The following EGF variants were observed in gnomAD, a reference collection of about 807,000 sequenced individuals.
EGF encodes epidermal growth factor.
In EGF, 95 loss-of-function variants were observed where a neutral mutation model predicts 143.8. The ratio of observed to expected loss-of-function variants is 0.66; its 90% CI spans 0.56 to 0.78. EGF has a LOEUF of 0.78. EGF is among the 30% of genes least tolerant of loss of function. The probability of loss-of-function intolerance (pLI) is 0.00; values close to 1 mark genes in which losing one functional copy is unlikely to be tolerated. For missense variants in EGF, 1,320 were observed against 1,470.9 expected (o/e 0.90, Z 1.68); for synonymous variants, 510 against 510.5 (o/e 1.00, Z 0.01).
intron 9 of EGF, 69 bp from the exon 10 acceptor site, chr4:109,964,332 G>A: frequency 1.2e-6 from 2 of 1,601,836 alleles, no homozygotes; most frequent in East Asian, 4.5e-5. Flanking sequence ...TGAAAGGGAA[G>A]AGTCAGAGAT....
At chr4:109,960,754 A>G in intron 6 of EGF, 113 bp from the exon 7 acceptor site, 1 of 1,223,894 alleles carries the variant, frequency 8.2e-7, no homozygotes, top group Non-Finnish European at 1.2e-6. Context: ...TCCATGATCA[A>G]TTACAGCATA....
chr4:109,967,994 T>C (rs1165292712), intron 10 of EGF, among the ~76,000 whole-genome samples: 1 of 152,152 alleles, frequency 6.6e-6, no homozygotes, highest in Admixed American at 6.6e-5. Context: ...AGTCAGTAAG[T>C]GAGTGGTGAA....
chr4:109,983,301 C>T (rs968023314), intron 15 of EGF, 121 bp from the exon 16 acceptor site: 3 of 1,177,154 alleles, frequency 2.5e-6, no homozygotes, highest in South Asian at 1.3e-5. Context: ...TCTCTGAATC[C>T]TCTTACTGTA....
chr4:109,919,858 A>G lies in EGF; in HGVS notation c.127+6396A>G, dbSNP rs143143954. Among the ~76,000 whole-genome samples the G allele has an allele frequency of 1.9e-3, 287 of 151,762 alleles. 9 individuals carry two copies. Among genetic ancestry groups the G allele is most frequent in the African/African-American group, 6.7e-3 (274 of 41,048 alleles). ...CATGGTCCAAAAAATTTCACTATAA[A>G]AAAGAAATGTGCCCTTATTTAGTAG... On this transcript the variant is annotated intron_variant, in intron 1 of 23. Transcript: ENST00000265171.
chr4:109,936,035 T>C (rs1027467892), intron 1 of EGF, among the ~76,000 whole-genome samples: 1 of 152,176 alleles, frequency 6.6e-6, no homozygotes, highest in Non-Finnish European at 1.5e-5. Flanking sequence ...TGCCAGGCTT[T>C]GATATCAGGA....
At chr4:109,970,997 A>G (rs1303785895) in intron 11 of EGF, among the ~76,000 whole-genome samples, 1 of 152,052 alleles carries the variant, frequency 6.6e-6, no homozygotes, top group Admixed American at 6.6e-5. Context: ...TATTTACTGA[A>G]TAGTTGCAAT....
At chr4:109,982,105 A>G (rs1749460232) in intron 15 of EGF, among the ~76,000 whole-genome samples, 1 of 150,568 alleles carries the variant, frequency 6.6e-6, no homozygotes, top group African/African-American at 2.4e-5. Flanking sequence ...TGGCTAATTT[A>G]TTTTTATTTT....
chr4:109,937,212 G>A (rs1180658787), intron 1 of EGF, among the ~76,000 whole-genome samples: 1 of 152,036 alleles, frequency 6.6e-6, no homozygotes, highest in Non-Finnish European at 1.5e-5. Context: ...GAATCTGGGT[G>A]CTCCTGTATT....
chr4:109,932,360 C>CATGTATATATATATATATATATATATAT (rs1739874444), intron 1 of EGF, among the ~76,000 whole-genome samples: 5 of 87,050 alleles, frequency 5.7e-5, no homozygotes, highest in African/African-American at 2.2e-4. Context: ...CCCATTTAGT[C>CATGTATATATATATATATATATATATAT]ATATATATAT....
In EGF at chr4:109,959,331, GAGGAA is replaced by G; in HGVS notation, c.967_971del (p.Gly323LeufsTer31). 6.2e-7 allele frequency: 1 copy of G among 1,613,672 alleles called. No individual in the cohort carries two copies. The highest frequency in any genetic ancestry group is 8.5e-7 in the Non-Finnish European group (1 of 1,179,904). ...TTTTAGAGCAGAAACTTTGCAAATT[GAGGAA>G]AGGAAACTGCAGCAGCACTGTGTGT... On this transcript the variant is annotated frameshift_variant, in exon 6 of 24. Transcript: ENST00000265171. LOFTEE classifies it high-confidence loss of function.
At chr4:109,917,162 G>C (rs1050453529) in intron 1 of EGF, among the ~76,000 whole-genome samples, 1 of 152,122 alleles carries the variant, frequency 6.6e-6, no homozygotes, top group Admixed American at 6.6e-5. Context: ...TCAGTTTTTT[G>C]CATATTTTTG....
rs530821831 is a variant in EGF, at chr4:109,918,684, C to T, written c.127+5222C>T. 1.1e-4 allele frequency among the ~76,000 whole-genome samples: 17 copies of T among 152,252 alleles called. 1 individual carries two copies. In the South Asian group the frequency reaches 3.5e-3, roughly 32 times the overall value. Reference sequence around the variant, plus strand: ...CCTCACACCAGCCACCACCCTGTCTCACTTACTTCTTGAAAGAACGAGGAA... The same window carrying T: ...CCTCACACCAGCCACCACCCTGTCTTACTTACTTCTTGAAAGAACGAGGAA... On this transcript the variant is annotated intron_variant, in intron 1 of 23. Transcript: ENST00000265171.
intron 13 of EGF, 96 bp downstream of exon 13, chr4:109,976,331 C>A: frequency 2.8e-6 from 3 of 1,065,460 alleles, no homozygotes; most frequent in Middle Eastern, 2.9e-4. Context: ...ACCACTTAGC[C>A]GTATGGGTGA....
At chr4:109,973,777 C>T (rs1748039827) in intron 11 of EGF, among the ~76,000 whole-genome samples, 1 of 152,048 alleles carries the variant, frequency 6.6e-6, no homozygotes, top group Admixed American at 6.6e-5. Flanking sequence ...AATGCTTAGA[C>T]CAATCCCTGA....
intron 1 of EGF, among the ~76,000 whole-genome samples, chr4:109,928,352 G>T (rs6823529): frequency 1.3e-5 from 2 of 152,038 alleles, no homozygotes; most frequent in African/African-American, 4.8e-5. Flanking sequence ...GTCACAGAAA[G>T]TTTTTCAAAG....
chr4:109,998,251 T>G (rs953229260), intron 20 of EGF, among the ~76,000 whole-genome samples: 1 of 152,212 alleles, frequency 6.6e-6, no homozygotes, highest in African/African-American at 2.4e-5. Context: ...TAACCAAAGA[T>G]AGCTAGAATT....
intron 23 of EGF, among the ~76,000 whole-genome samples, chr4:110,009,817 C>G (rs746345043): frequency 6.6e-6 from 1 of 152,192 alleles, no homozygotes; most frequent in Non-Finnish European, 1.5e-5. Flanking sequence ...CAACACAATA[C>G]TAGTGTAGTT....
intron 19 of EGF, among the ~76,000 whole-genome samples, chr4:109,994,046 G>A (rs948689380): frequency 5.6e-5 from 8 of 142,674 alleles, no homozygotes; most frequent in African/African-American, 2.2e-4. Flanking sequence ...TTTTTTTTTA[G>A]CATATTATTT....
At chr4:109,951,478 G>T (rs986735744) in intron 5 of EGF, among the ~76,000 whole-genome samples, 4 of 151,962 alleles carry the variant, frequency 2.6e-5, no homozygotes, top group Non-Finnish European at 4.4e-5. Context: ...AGGTTTTTTT[G>T]TTGTTGTTTG....
Sources: allele counts gnomAD v4.1 joint callset (sites outside exome capture counted in the v4.1 genomes callset), GRCh38; gene constraint gnomAD v4.1.1; transcripts MANE v1.5; gene names NCBI Gene and HGNC (gene_info 2026-07-23, HGNC 2026-07-21).